Variants in RBFOX1 observed in about 807,000 individuals in gnomAD.
The protein encoded by RBFOX1 is RNA binding fox-1 homolog 1.
In RBFOX1, 8 loss-of-function variants were observed where a neutral mutation model predicts 57.7. The observed-to-expected ratio is 0.14, with a 90% CI of 0.08 to 0.25. The LOEUF is 0.25. Ranked by LOEUF, RBFOX1 falls within the 10% of genes least tolerant of loss-of-function variation. The pLI is 1.00. For synonymous variants in RBFOX1, 326 were observed against 222.4 expected (o/e 1.47, Z -4.15); for missense variants, 611 against 548.5 (o/e 1.11, Z -1.14).
intron 3 of RBFOX1, among the ~76,000 whole-genome samples, chr16:6,898,146 C>G (rs2067428057): frequency 6.6e-6 from 1 of 152,186 alleles, no homozygotes. Flanking sequence ...TTTGCCAAAT[C>G]ATGCATCATA....
intron 2 of RBFOX1, among the ~76,000 whole-genome samples, chr16:5,541,620 T>C (rs916528656): frequency 6.6e-6 from 1 of 152,134 alleles, no homozygotes; most frequent in East Asian, 1.9e-4. Context: ...GGGAAGAGTT[T>C]GAATAGAATG....
chr16:7,104,885 A>G (rs2063305755), intron 4 of RBFOX1, among the ~76,000 whole-genome samples: 1 of 152,086 alleles, frequency 6.6e-6, no homozygotes, highest in Admixed American at 6.6e-5. Context: ...CAAGAGATGG[A>G]TCTCAGGTAC....
chr16:5,472,507 G>T (rs530924099), intron 2 of RBFOX1, among the ~76,000 whole-genome samples: 4 of 152,192 alleles, frequency 2.6e-5, no homozygotes, highest in African/African-American at 9.6e-5. Context: ...ACTGACTGGG[G>T]AGTATTTGCT....
At chr16:5,874,137 C>T (rs2057545425) in intron 4 of RBFOX1, among the ~76,000 whole-genome samples, 1 of 152,182 alleles carries the variant, frequency 6.6e-6, no homozygotes, top group African/African-American at 2.4e-5. Context: ...CTGAGTTTGG[C>T]AGTCGTGCCA....
intron 3 of RBFOX1, among the ~76,000 whole-genome samples, chr16:5,725,069 A>C (rs907138472): frequency 6.6e-6 from 1 of 152,086 alleles, no homozygotes; most frequent in African/African-American, 2.4e-5. Flanking sequence ...GTGGATAATG[A>C]GGGTGTGTCT....
rs150071047 is a variant in RBFOX1 at position 7,426,030 on chromosome 16, C to T, written c.28-92117C>T. On this transcript the variant is annotated intron_variant, in intron 4 of 15. Transcript: ENST00000550418. ...AAGGCGGCATCTGGGCCTCGGATGTCGGGAGAGACCCACTGAGGCAAAGCA... is the reference window on the plus strand; with the variant it reads ...AAGGCGGCATCTGGGCCTCGGATGTTGGGAGAGACCCACTGAGGCAAAGCA... Among the ~76,000 whole-genome samples the T allele has an allele frequency of 5.3e-5, 8 of 152,274 alleles. No individual in the cohort carries two copies. The East Asian group carries it at 5.8e-4, about 11-fold the overall frequency.
At chr16:5,991,635 T>C (rs1012159316) in intron 4 of RBFOX1, among the ~76,000 whole-genome samples, 8 of 147,934 alleles carry the variant, frequency 5.4e-5, no homozygotes, top group Admixed American at 3.5e-4. Context: ...GTTTGGGAAA[T>C]TATTAGATAG....
intron 4 of RBFOX1, among the ~76,000 whole-genome samples, chr16:7,507,842 C>T (rs2073879350): frequency 6.6e-6 from 1 of 152,068 alleles, no homozygotes; most frequent in Non-Finnish European, 1.5e-5. Flanking sequence ...GGATTACAGG[C>T]ATGAGCCACG....
intron 4 of RBFOX1, among the ~76,000 whole-genome samples, chr16:7,187,725 A>G (rs977979177): frequency 7.6e-6 from 1 of 132,346 alleles, no homozygotes; most frequent in African/African-American, 3.1e-5. Flanking sequence ...AAAAAAAAAA[A>G]GGAAAAGAAA....
chr16:6,192,639 TA>T (rs1474860193), intron 1 of RBFOX1, among the ~76,000 whole-genome samples: 1 of 152,168 alleles, frequency 6.6e-6, no homozygotes, highest in Non-Finnish European at 1.5e-5. Flanking sequence ...GATCCAAGTT[TA>T]TATCTTGAGT....
chr16:5,555,564 T>C (rs1042159734), intron 2 of RBFOX1, among the ~76,000 whole-genome samples: 2 of 152,022 alleles, frequency 1.3e-5, no homozygotes, highest in Non-Finnish European at 2.9e-5. Flanking sequence ...CAATTACTTT[T>C]AATGGCAAAA....
chr16:6,803,110 A>G (rs1285047176), intron 3 of RBFOX1, among the ~76,000 whole-genome samples: 1 of 152,082 alleles, frequency 6.6e-6, no homozygotes, highest in African/African-American at 2.4e-5. Context: ...TGCAGACTCA[A>G]AACCTCTGAG....
intron 14 of RBFOX1, among the ~76,000 whole-genome samples, chr16:7,704,255 G>A (rs2081691538): frequency 6.6e-6 from 1 of 152,138 alleles, no homozygotes; most frequent in African/African-American, 2.4e-5. Flanking sequence ...GTCTCATGAT[G>A]GTTGCAAGCC....
At chr16:6,546,460 C>T (rs1048006723) in intron 2 of RBFOX1, among the ~76,000 whole-genome samples, 2 of 152,168 alleles carry the variant, frequency 1.3e-5, no homozygotes, top group Admixed American at 6.5e-5. Flanking sequence ...TAAGGGAATT[C>T]TGCCTTGCTT....
At chr16:5,976,212 C>G (rs150854303) in intron 4 of RBFOX1, among the ~76,000 whole-genome samples, 57 of 152,006 alleles carry the variant, frequency 3.7e-4, no homozygotes, top group African/African-American at 1.3e-3. Flanking sequence ...CGCCACTTAC[C>G]CAGTTCGGTA....
intron 3 of RBFOX1, among the ~76,000 whole-genome samples, chr16:5,865,835 T>C (rs1448460234): frequency 1.3e-5 from 2 of 152,158 alleles, no homozygotes; most frequent in Non-Finnish European, 2.9e-5. Flanking sequence ...GAAAAGGGTC[T>C]GCTCATTGGG....
chr16:6,928,905 C>A (rs772389429), intron 3 of RBFOX1, among the ~76,000 whole-genome samples: 2 of 152,152 alleles, frequency 1.3e-5, no homozygotes, highest in Non-Finnish European at 2.9e-5. Context: ...CCCAGTAGAG[C>A]ATCAGTTGTC....
At chr16:6,939,401 GTA>G (rs1018008769) in intron 3 of RBFOX1, among the ~76,000 whole-genome samples, 83 of 150,600 alleles carry the variant, frequency 5.5e-4, no homozygotes, top group Admixed American at 3.6e-3. Context: ...GTGTGTGTGT[GTA>G]TATATATATA....
chr16:6,315,504 G>A (rs1017817460), intron 1 of RBFOX1, among the ~76,000 whole-genome samples: 1 of 151,620 alleles, frequency 6.6e-6, no homozygotes. Context: ...TAGGTGGATG[G>A]ATGGATGGGT....
Sources: allele counts gnomAD v4.1 joint callset (sites outside exome capture counted in the v4.1 genomes callset), GRCh38; gene constraint gnomAD v4.1.1; transcripts MANE v1.5; gene names NCBI Gene and HGNC (gene_info 2026-07-23, HGNC 2026-07-21).